The following CSMD1 variants were observed in gnomAD, a reference collection of about 807,000 sequenced individuals.
CSMD1 encodes CUB and Sushi multiple domains 1, also known as CUB and sushi domain-containing protein 1.
In CSMD1, 213 loss-of-function variants were observed where a neutral mutation model predicts 417.5. The ratio of observed to expected loss-of-function variants is 0.51; its 90% confidence interval spans 0.46 to 0.57. CSMD1 has a LOEUF of 0.57. Ranked by LOEUF, CSMD1 falls within the 20% of genes least tolerant of loss-of-function variation. The pLI, the probability that CSMD1 is intolerant of heterozygous loss-of-function variation, is 0.00. For missense variants in CSMD1, 6,923 were observed against 4,529.7 expected (o/e 1.53, Z -15.17); for synonymous variants, 2,862 against 1,736.8 (o/e 1.65, Z -16.11).
intron 2 of CSMD1, among the ~76,000 whole-genome samples, chr8:4,596,757 G>A (rs1459124051): frequency 6.6e-6 from 1 of 152,194 alleles, no homozygotes; most frequent in Non-Finnish European, 1.5e-5. Flanking sequence ...CACATGATAT[G>A]GATTGGCTGT....
At chr8:3,399,772 C>T (rs1196995600) in intron 15 of CSMD1, among the ~76,000 whole-genome samples, 3 of 152,310 alleles carry the variant, frequency 2.0e-5, no homozygotes, top group Middle Eastern at 3.4e-3. Context: ...GTAATGTATA[C>T]GTGAGTTCTC....
intron 6 of CSMD1, among the ~76,000 whole-genome samples, chr8:3,729,488 A>G (rs1302457784): frequency 6.6e-6 from 1 of 152,176 alleles, no homozygotes; most frequent in Non-Finnish European, 1.5e-5. Flanking sequence ...TAGAGGCAAT[A>G]TGTATCCCCA....
intron 1 of CSMD1, among the ~76,000 whole-genome samples, chr8:4,874,882 A>G (rs1802953643): frequency 7.2e-6 from 1 of 139,740 alleles, no homozygotes; most frequent in Admixed American, 7.0e-5. Flanking sequence ...TATATAGTAT[A>G]GAGTATAGTG....
At chr8:2,957,978 C>A (rs1803140810) in intron 62 of CSMD1, among the ~76,000 whole-genome samples, 171 bp from the exon 63 acceptor site, 1 of 152,226 alleles carries the variant, frequency 6.6e-6, no homozygotes, top group Non-Finnish European at 1.5e-5. Flanking sequence ...TACAGTGTTA[C>A]ACACAATGTA....
At chr8:4,868,452 T>A (rs1802544416) in intron 1 of CSMD1, among the ~76,000 whole-genome samples, 1 of 151,944 alleles carries the variant, frequency 6.6e-6, no homozygotes, top group Non-Finnish European at 1.5e-5. Context: ...ATCAGGCTGG[T>A]CTCAAACTCC....
At chr8:3,522,938 T>C (rs945522408) in intron 10 of CSMD1, among the ~76,000 whole-genome samples, 5 of 150,810 alleles carry the variant, frequency 3.3e-5, no homozygotes, top group South Asian at 4.2e-4. Context: ...TATTTATATA[T>C]TGACAAATAT....
intron 1 of CSMD1, among the ~76,000 whole-genome samples, chr8:4,808,538 C>T (rs993453806): frequency 3.9e-5 from 6 of 152,100 alleles, no homozygotes; most frequent in African/African-American, 1.2e-4. Flanking sequence ...TAGAAAAAGG[C>T]TTTCAGTGAT....
chr8:4,144,197 C>A (rs1803971197), intron 3 of CSMD1, among the ~76,000 whole-genome samples: 1 of 150,986 alleles, frequency 6.6e-6, no homozygotes, highest in Non-Finnish European at 1.5e-5. Flanking sequence ...AGACCTCCTG[C>A]CCCTAGATCT....
intron 21 of CSMD1, among the ~76,000 whole-genome samples, chr8:3,352,082 C>T (rs548562763): frequency 1.1e-4 from 17 of 152,176 alleles, no homozygotes; most frequent in South Asian, 4.1e-4. Context: ...ATCCTGAGGG[C>T]CTAGTGCTTC....
At chr8:4,293,061 G>C (rs934125489) in intron 3 of CSMD1, among the ~76,000 whole-genome samples, 56 of 152,180 alleles carry the variant, frequency 3.7e-4, no homozygotes, top group Non-Finnish European at 5.9e-5. Context: ...CACCAGAGCT[G>C]CGTCTGGAGT....
At position 3,467,996 on chromosome 8, in the gene CSMD1, G is replaced by A. The variant is rs536949979; in HGVS notation, c.1561+716C>T. Among the ~76,000 whole-genome samples, 17 of 152,136 alleles carry A rather than the reference G, an allele frequency of 1.1e-4. No individual in the cohort carries two copies. The East Asian group carries it at 1.4e-3, about 12-fold the overall frequency. ...TTACCTAAACACATACACATCTATCGGTTCAAATACTTTAAGGAACTCAGT... is the reference window on the plus strand; with the variant it reads ...TTACCTAAACACATACACATCTATCAGTTCAAATACTTTAAGGAACTCAGT... On this transcript the variant is annotated intron_variant, in intron 12 of 69. Transcript: ENST00000635120.
intron 1 of CSMD1, among the ~76,000 whole-genome samples, chr8:4,789,152 A>G (rs1797561871): frequency 2.6e-5 from 4 of 152,208 alleles, no homozygotes; most frequent in Admixed American, 2.6e-4. Flanking sequence ...AATGAAATAC[A>G]ATGTTGTATG....
At chr8:4,424,462 G>A (rs1462283853) in intron 2 of CSMD1, among the ~76,000 whole-genome samples, 2 of 151,860 alleles carry the variant, frequency 1.3e-5, no homozygotes, top group African/African-American at 4.8e-5. Context: ...AGACATCAGA[G>A]GAATGCAAAT....
At chr8:4,245,980 G>A (rs1335939351) in intron 3 of CSMD1, among the ~76,000 whole-genome samples, 1 of 152,106 alleles carries the variant, frequency 6.6e-6, no homozygotes. Context: ...CGTGGACAGG[G>A]ATGGTCTCAT....
chr8:3,118,665 CAT>C (rs1817009341), intron 41 of CSMD1, 78 bp from the exon 42 acceptor site: 2 of 1,264,418 alleles, frequency 1.6e-6, no homozygotes, highest in Non-Finnish European at 1.1e-6. Flanking sequence ...AGTGTCATCA[CAT>C]GTGACTGCTT....
intron 8 of CSMD1, among the ~76,000 whole-genome samples, chr8:3,609,690 T>C (rs1801792969): frequency 6.6e-6 from 1 of 151,502 alleles, no homozygotes; most frequent in Non-Finnish European, 1.5e-5. Flanking sequence ...GCCTTGTTGG[T>C]TGTTAGTTTG....
In CSMD1 at chr8:4,332,182, G is replaced by A. The variant is rs1322899737; in HGVS notation, c.415+87771C>T. ...CATGGAGCAAACACAACTGTGGACA[G>A]AAATAATGAGGTTTGTGAGCAAACA... On this transcript the variant is annotated intron_variant, in intron 3 of 69. Transcript: ENST00000635120. Among the ~76,000 whole-genome samples the A allele has an allele frequency of 3.3e-5, 5 of 152,220 alleles. No homozygotes were observed. In the South Asian group the frequency reaches 6.2e-4, roughly 19 times the overall value.
intron 3 of CSMD1, among the ~76,000 whole-genome samples, chr8:4,159,690 G>A (rs550836470): frequency 1.3e-5 from 2 of 152,214 alleles, no homozygotes; most frequent in African/African-American, 4.8e-5. Context: ...CCGGGTTCAC[G>A]CCATTCTCCT....
At chr8:3,140,767 C>G (rs1818390263) in intron 41 of CSMD1, among the ~76,000 whole-genome samples, 1 of 151,674 alleles carries the variant, frequency 6.6e-6, no homozygotes, top group African/African-American at 2.4e-5. Flanking sequence ...CGTTTTCAAC[C>G]TCATTTGATC....
Sources: gnomAD v4.1 joint callset for allele counts (sites outside exome capture counted in the v4.1 genomes callset) on GRCh38, gnomAD v4.1.1 for gene constraint, MANE v1.5 for transcripts, NCBI Gene and HGNC (gene_info 2026-07-23, HGNC 2026-07-21) for gene names.